The following IKZF2 variants were observed in gnomAD, a reference collection of about 807,000 sequenced individuals.
IKZF2 encodes the protein IKAROS family zinc finger 2.
In IKZF2, 15 loss-of-function variants were observed where a neutral mutation model predicts 49.2. The observed-to-expected ratio is 0.30, with a 90% CI of 0.20 to 0.47. The LOEUF (loss-of-function observed/expected upper bound fraction) is 0.47. Among genes scored for constraint, IKZF2 ranks in the 20% least tolerant of loss-of-function variants. The probability of loss-of-function intolerance (pLI) is 1.00; values close to 1 mark genes in which losing one functional copy is unlikely to be tolerated. For synonymous variants in IKZF2, 227 were observed against 221.4 expected (o/e 1.03, Z -0.23); for missense variants, 567 against 664.6 (o/e 0.85, Z 1.61).
intron 4 of IKZF2, among the ~76,000 whole-genome samples, chr2:213,062,815 C>T (rs1014533898): frequency 1.5e-4 from 23 of 151,900 alleles, no homozygotes; most frequent in African/African-American, 4.6e-4. Context: ...CTCTCTCTCA[C>T]GTAAACTTTC....
chr2:213,092,285 T>C (rs114846251), intron 4 of IKZF2, among the ~76,000 whole-genome samples: 2,277 of 152,302 alleles, frequency 0.015, 61 homozygotes, highest in African/African-American at 0.052. Flanking sequence ...TGCCTTGGCC[T>C]CCCAAAATGC....
intron 6 of IKZF2, among the ~76,000 whole-genome samples, chr2:213,026,108 C>T (rs900710324): frequency 2.6e-5 from 4 of 152,078 alleles, no homozygotes; most frequent in African/African-American, 4.8e-5. Context: ...GCACCCTATA[C>T]CATCTGGTCC....
intron 4 of IKZF2, among the ~76,000 whole-genome samples, chr2:213,124,248 GCGCGCACACACACA>G (rs1165352717): frequency 2.7e-4 from 31 of 115,538 alleles, no homozygotes; most frequent in South Asian, 6.9e-4. Context: ...GCTCGCGCGC[GCGCGCACACACACA>G]CACACACACA....
chr2:213,043,236 T>G (rs1216629013), intron 6 of IKZF2, among the ~76,000 whole-genome samples: 1 of 152,012 alleles, frequency 6.6e-6, no homozygotes, highest in African/African-American at 2.4e-5. Context: ...ACATATTGTA[T>G]TCCAGATATT....
intron 7 of IKZF2, among the ~76,000 whole-genome samples, chr2:213,016,391 G>A (rs13428445): frequency 6.6e-6 from 1 of 152,066 alleles, no homozygotes; most frequent in South Asian, 2.1e-4. Context: ...GAGGTATTTT[G>A]AGCATTGACT....
At chr2:213,133,703 AAAAT>A (rs145388709) in intron 4 of IKZF2, among the ~76,000 whole-genome samples, 64 of 145,480 alleles carry the variant, frequency 4.4e-4, no homozygotes, top group Non-Finnish European at 6.9e-4. Context: ...CCGTCTCGAA[AAAAT>A]AAATAAATAA....
At chr2:213,032,734 T>C (rs771023790) in intron 6 of IKZF2, among the ~76,000 whole-genome samples, 1 of 152,166 alleles carries the variant, frequency 6.6e-6, no homozygotes, top group Non-Finnish European at 1.5e-5. Flanking sequence ...TACATACACA[T>C]ACACTGTAAA....
chr2:213,111,256 T>C (rs1472096642), intron 4 of IKZF2, among the ~76,000 whole-genome samples: 4 of 152,042 alleles, frequency 2.6e-5, no homozygotes, highest in Admixed American at 1.3e-4. Flanking sequence ...CATGTATATA[T>C]CTTTGTTCCA....
rs951582806 is a variant in IKZF2, at chr2:213,002,315, C to A, written c.*5045G>T. ...AAAGCCCCATAAACAGAATTATGAA[C>A]TTATTCCTAAGAGTGCAGGTGAAAA... On this transcript the variant is annotated 3_prime_UTR_variant, in exon 9 of 9. Transcript: ENST00000434687. The A allele has an allele frequency of 4.6e-5, 7 of 151,404 alleles. No homozygotes were observed. Among genetic ancestry groups the A allele is most frequent in the African/African-American group, 1.5e-4 (6 of 41,346 alleles). 9.4% of individuals were successfully genotyped at this position (151,404 alleles called of 1,614,324 possible). A position where few individuals can be genotyped will look rare whatever the true frequency, so the allele number is the denominator to read the frequency against.
rs1453195329 is a variant in IKZF2, at chr2:213,146,764, G to GC, written c.139+943_139+944insG. ...TTTCTTAGTTATTAAATCTTCGGGG[G>GC]GGGGGAAGGAAAGAGAATGCCTTTC... is the stretch of plus-strand genomic sequence containing the variant. On this transcript the variant is annotated intron_variant, in intron 4 of 8. Coordinates refer to ENST00000434687, the MANE Select transcript of IKZF2 (RefSeq NM_001387220.1). Among the ~76,000 whole-genome samples the GC allele has an allele frequency of 5.6e-5, 7 of 125,678 alleles. No individual in the cohort carries two copies. In the South Asian group the frequency reaches 1.1e-3, roughly 20 times the overall value. The allele number at this position is 125,678 out of a possible 152,430, so 82.4% of individuals were successfully genotyped here.
intron 4 of IKZF2, among the ~76,000 whole-genome samples, chr2:213,115,422 T>C (rs2059838749): frequency 6.6e-6 from 1 of 152,202 alleles, no homozygotes; most frequent in African/African-American, 2.4e-5. Context: ...ATTTCCTTTA[T>C]CTCTCTGCCA....
At chr2:213,030,895 G>A (rs139707469) in intron 6 of IKZF2, among the ~76,000 whole-genome samples, 471 of 150,054 alleles carry the variant, frequency 3.1e-3, no homozygotes, top group African/African-American at 0.011. Context: ...GTGCCACCTC[G>A]GATCACTGCA....
chr2:213,108,268 T>G (rs1049262915), intron 4 of IKZF2, among the ~76,000 whole-genome samples: 8 of 152,148 alleles, frequency 5.3e-5, no homozygotes, highest in Admixed American at 3.9e-4. Flanking sequence ...TCTGACAAAA[T>G]TTTACAAATT....
chr2:213,009,126 C>A (rs1030309374), intron 8 of IKZF2, among the ~76,000 whole-genome samples: 1 of 151,984 alleles, frequency 6.6e-6, no homozygotes, highest in African/African-American at 2.4e-5. Flanking sequence ...AGTGCTGGTA[C>A]GTACACCCAT....
At chr2:213,009,529 C>T (rs1411381620) in intron 8 of IKZF2, among the ~76,000 whole-genome samples, 3 of 151,924 alleles carry the variant, frequency 2.0e-5, no homozygotes, top group Non-Finnish European at 2.9e-5. Context: ...ATGGCCCCTA[C>T]GTGAGATCAG....
chr2:213,152,055 GC>G (rs1013864128), upstream of IKZF2: 9 of 152,114 alleles, frequency 5.9e-5, 1 homozygote, highest in Non-Finnish European at 1.3e-4. Context: ...CCCGACGGGG[GC>G]CAGGTAACCC....
chr2:213,051,261 G>C (rs978187746), intron 5 of IKZF2, among the ~76,000 whole-genome samples: 1 of 151,866 alleles, frequency 6.6e-6, no homozygotes, highest in Non-Finnish European at 1.5e-5. Flanking sequence ...ATAAAACCTA[G>C]ATAAATTTAA....
At chr2:213,133,165 T>C (rs891057477) in intron 4 of IKZF2, among the ~76,000 whole-genome samples, 2 of 152,232 alleles carry the variant, frequency 1.3e-5, no homozygotes, top group African/African-American at 4.8e-5. Flanking sequence ...TTTTTTCTCA[T>C]ATTCTTTTTA....
chr2:213,034,775 G>C (rs1698844997), intron 6 of IKZF2, among the ~76,000 whole-genome samples: 1 of 152,170 alleles, frequency 6.6e-6, no homozygotes, highest in East Asian at 1.9e-4. Flanking sequence ...CATGAGGTGA[G>C]CATGTGTCAT....
Sources: gnomAD v4.1 joint callset for allele counts (sites outside exome capture counted in the v4.1 genomes callset) on GRCh38, gnomAD v4.1.1 for gene constraint, MANE v1.5 for transcripts, NCBI Gene and HGNC (gene_info 2026-07-23, HGNC 2026-07-21) for gene names.